MTA3: variants seen among roughly 807,000 people sequenced by gnomAD.
MTA3 encodes metastasis-associated protein MTA3.
In MTA3, 34 loss-of-function variants were observed where a neutral mutation model predicts 83.5. That is an observed-to-expected ratio of 0.41 (90% CI 0.31 to 0.54). The LOEUF is 0.54. MTA3 is among the 20% of genes least tolerant of loss of function. The pLI is 0.33. For missense variants in MTA3, 761 were observed against 726.4 expected (o/e 1.05, Z -0.55); for synonymous variants, 303 against 252.7 (o/e 1.20, Z -1.89).
At chr2:42,671,214 T>C (rs1381130020) in intron 8 of MTA3, among the ~76,000 whole-genome samples, 1 of 152,180 alleles carries the variant, frequency 6.6e-6, no homozygotes, top group Non-Finnish European at 1.5e-5. Flanking sequence ...CTTAAGTCCA[T>C]TTTGGTCAGT....
At chr2:42,537,457 C>T (rs1249911079) in intron 2 of MTA3, among the ~76,000 whole-genome samples, 1 of 151,726 alleles carries the variant, frequency 6.6e-6, no homozygotes, top group African/African-American at 2.4e-5. Context: ...CCCCACTACT[C>T]GGGAGGCTGA....
At chr2:42,746,844 A>G (rs1669471655) in intron 16 of MTA3, among the ~76,000 whole-genome samples, 1 of 152,240 alleles carries the variant, frequency 6.6e-6, no homozygotes, top group South Asian at 2.1e-4. Flanking sequence ...GCTCTCCAGA[A>G]GCTCTCCAAA....
intron 4 of MTA3, among the ~76,000 whole-genome samples, chr2:42,627,251 C>T (rs544510474): frequency 2.0e-5 from 3 of 151,696 alleles, no homozygotes; most frequent in African/African-American, 7.3e-5. Flanking sequence ...CTAACTTAAA[C>T]TTTTTTTTGT....
intron 3 of MTA3, among the ~76,000 whole-genome samples, chr2:42,604,302 C>G (rs985871387): frequency 1.3e-5 from 2 of 152,224 alleles, no homozygotes; most frequent in African/African-American, 4.8e-5. Flanking sequence ...CTCGGCCTCC[C>G]AAAGTGCTGG....
intron 10 of MTA3, among the ~76,000 whole-genome samples, chr2:42,696,260 T>G (rs1693380927): frequency 6.6e-6 from 1 of 152,192 alleles, no homozygotes; most frequent in African/African-American, 2.4e-5. Context: ...TTACATGACA[T>G]TTGTGTGGCT....
chr2:42,719,358 AAAG>A (rs1305838926), intron 15 of MTA3, among the ~76,000 whole-genome samples: 1 of 152,236 alleles, frequency 6.6e-6, no homozygotes. Flanking sequence ...ATTAAGCAAA[AAAG>A]AAAATGAAAA....
At chr2:42,647,349 G>A (rs1038666310) in intron 6 of MTA3, among the ~76,000 whole-genome samples, 7 of 151,636 alleles carry the variant, frequency 4.6e-5, no homozygotes, top group African/African-American at 1.5e-4. Flanking sequence ...TCGACCTCTC[G>A]AGTAGCTGGG....
chr2:42,548,694 C>G (rs1394441715), intron 2 of MTA3, among the ~76,000 whole-genome samples: 1 of 142,550 alleles, frequency 7.0e-6, no homozygotes, highest in African/African-American at 2.6e-5. Context: ...TTCCAGCTAC[C>G]CAGGAGGCTG....
chr2:42,709,253 G>A, intron 14 of MTA3, 157 bp downstream of exon 14: 1 of 1,425,294 alleles, frequency 7.0e-7, no homozygotes, highest in Non-Finnish European at 9.1e-7. Flanking sequence ...GTTTTTGTGT[G>A]CTGCCATTTG....
chr2:42,677,520 T>C (rs1186977705), intron 8 of MTA3, among the ~76,000 whole-genome samples: 3 of 151,890 alleles, frequency 2.0e-5, no homozygotes, highest in African/African-American at 7.3e-5. Context: ...TTTTTTGTAT[T>C]TTAGTAGAGA....
intron 2 of MTA3, among the ~76,000 whole-genome samples, chr2:42,559,068 G>C (rs1177445097): frequency 6.6e-6 from 1 of 152,086 alleles, no homozygotes; most frequent in East Asian, 1.9e-4. Context: ...CCAGTCTCCA[G>C]CTTCCTCCAC....
At chr2:42,649,254 G>A (rs532737684) in intron 6 of MTA3, among the ~76,000 whole-genome samples, 5 of 152,110 alleles carry the variant, frequency 3.3e-5, no homozygotes, top group East Asian at 1.9e-4. Context: ...AAAATTAGCC[G>A]AGTGTGGTGG....
intron 3 of MTA3, 144 bp from the exon 4 acceptor site, chr2:42,609,314 G>A: frequency 1.2e-6 from 1 of 854,870 alleles, no homozygotes; most frequent in South Asian, 1.8e-5. Flanking sequence ...TTACAAGCAT[G>A]AGCCACTGCA....
intron 16 of MTA3, among the ~76,000 whole-genome samples, chr2:42,751,871 C>T (rs1226108654): frequency 6.6e-6 from 1 of 152,202 alleles, no homozygotes; most frequent in African/African-American, 2.4e-5. Context: ...CTGACACTTA[C>T]ATAACCTTCC....
At position 42,545,499 on chromosome 2, in the gene MTA3, G is replaced by A. The variant is rs576472090; in HGVS notation, c.-140-24938G>A. ...CAAGGAAGGCTATGTTTGAGGGATG[G>A]AAGGGAGAGTGGGAGGTTCCCAGAT... On this transcript the variant is annotated intron_variant, in intron 2 of 17. Coordinates refer to the MTA3 transcript ENST00000405592. 4.6e-5 allele frequency among the ~76,000 whole-genome samples: 7 copies of A among 152,308 alleles called. No individual in the cohort carries two copies. In the East Asian group the frequency reaches 1.2e-3, roughly 25 times the overall value.
At position 42,753,555 on chromosome 2, in the gene MTA3, G is replaced by A; in HGVS notation, c.*156G>A. On this transcript the variant is annotated 3_prime_UTR_variant, in exon 17 of 17. Coordinates refer to ENST00000405094, the MANE Select transcript of MTA3 (RefSeq NM_001330442.2). The stretch of plus-strand genomic sequence containing the variant: ...GACGCAATGGGGCGGGGAAGGAACT[G>A]TGGGAGTGCACGTTCCAAATCCTGT... 1.4e-6 allele frequency: 2 copies of A among 1,459,390 alleles called. No individual in the cohort carries two copies. The highest frequency in any genetic ancestry group is 1.8e-6 in the Non-Finnish European group (2 of 1,104,154). 90.4% of individuals were successfully genotyped at this position (1,459,390 alleles called of 1,614,324 possible).
intron 8 of MTA3, among the ~76,000 whole-genome samples, chr2:42,678,659 C>T (rs1691599877): frequency 6.6e-6 from 1 of 152,140 alleles, no homozygotes; most frequent in Admixed American, 6.5e-5. Context: ...AGATGTCAAC[C>T]CTTGTTAAAG....
intron 10 of MTA3, among the ~76,000 whole-genome samples, chr2:42,697,479 CT>C (rs1329399988): frequency 1.3e-5 from 2 of 152,098 alleles, no homozygotes; most frequent in African/African-American, 4.8e-5. Context: ...AAAATGGTTA[CT>C]TTTTAAAGGT....
At chr2:42,632,957 A>T (rs1200277419) in intron 4 of MTA3, among the ~76,000 whole-genome samples, 1 of 146,528 alleles carries the variant, frequency 6.8e-6, no homozygotes, top group Non-Finnish European at 1.5e-5. Flanking sequence ...TTCTCTTTGT[A>T]CTCCTTTTTA....
Sources: allele counts gnomAD v4.1 joint callset (sites outside exome capture counted in the v4.1 genomes callset), GRCh38; gene constraint gnomAD v4.1.1; transcripts MANE v1.5; gene names NCBI Gene and HGNC (gene_info 2026-07-23, HGNC 2026-07-21).